Variants in STK32B observed in about 807,000 individuals in gnomAD.
The protein encoded by STK32B is serine/threonine kinase 32B.
Under a neutral mutation model 52.6 loss-of-function variants are expected in STK32B, and 43 were observed. The observed-to-expected ratio is 0.82, with a 90% CI of 0.64 to 1.05. The LOEUF is 1.05. Ranked by LOEUF, STK32B falls within the 50% of genes least tolerant of loss-of-function variation. The probability of loss-of-function intolerance (pLI) is 0.00; values close to 1 mark genes in which losing one functional copy is unlikely to be tolerated. For missense variants in STK32B, 621 were observed against 534.6 expected (o/e 1.16, Z -1.59); for synonymous variants, 238 against 204.3 (o/e 1.17, Z -1.41).
At chr4:5,210,248 TCTCCTCCTC>T (rs1347402109) in intron 3 of STK32B, among the ~76,000 whole-genome samples, 4 of 151,680 alleles carry the variant, frequency 2.6e-5, no homozygotes, top group Non-Finnish European at 4.4e-5. Context: ...TTCTTCTTCT[TCTCCTCCTC>T]CTCCTCCTCA....
At position 5,466,535 on chromosome 4, in the gene STK32B, C is replaced by T. The variant is rs912921515; in HGVS notation, c.910-168C>T. On this transcript the variant is annotated intron_variant, in intron 9 of 11. Coordinates refer to ENST00000282908, the MANE Select transcript of STK32B (RefSeq NM_018401.3). Reference sequence around the variant, plus strand: ...AAATATATGATGTGTACAGTGAGAACGTGTTGCTTTTTATCATCAGAAAAC... The same window carrying T: ...AAATATATGATGTGTACAGTGAGAATGTGTTGCTTTTTATCATCAGAAAAC... Among the ~76,000 whole-genome samples the T allele has an allele frequency of 3.3e-5, 5 of 152,230 alleles. No individual in the cohort carries two copies. The East Asian group carries it at 7.7e-4, about 24-fold the overall frequency.
At chr4:5,379,885 C>T (rs2109022453) in intron 4 of STK32B, among the ~76,000 whole-genome samples, 1 of 151,784 alleles carries the variant, frequency 6.6e-6, no homozygotes, top group African/African-American at 2.4e-5. Context: ...TGTTCTTCTC[C>T]TGCTGCACTT....
intron 6 of STK32B, among the ~76,000 whole-genome samples, chr4:5,441,548 A>C (rs1714755133): frequency 6.6e-6 from 1 of 151,528 alleles, no homozygotes; most frequent in African/African-American, 2.4e-5. Context: ...TCCTTTCAAA[A>C]AACCAGCTCC....
At chr4:5,298,484 C>T (rs1187786009) in intron 3 of STK32B, among the ~76,000 whole-genome samples, 4 of 152,090 alleles carry the variant, frequency 2.6e-5, no homozygotes, top group Admixed American at 6.5e-5. Context: ...TTGCCCTGCC[C>T]GGTGAGGAGG....
At chr4:5,425,247 T>G (rs897783230) in intron 6 of STK32B, among the ~76,000 whole-genome samples, 3 of 152,138 alleles carry the variant, frequency 2.0e-5, no homozygotes, top group Admixed American at 1.3e-4. Context: ...AAAATGCAGG[T>G]GAAGGTGCCA....
In STK32B at chr4:5,406,888, G is replaced by A. The variant is rs754016704; in HGVS notation, c.472+8644G>A. On this transcript the variant is annotated intron_variant, in intron 5 of 11. Transcript: ENST00000282908. ...CCATTGTCTTGGCTGTTAACATTCA[G>A]CTCCCTTTTACTCATACAAATTTCT... Among the ~76,000 whole-genome samples the A allele has an allele frequency of 6.6e-5, 10 of 152,238 alleles. No individual in the cohort carries two copies. In the South Asian group the frequency reaches 1.5e-3, roughly 22 times the overall value.
At chr4:5,181,976 A>G (rs956617794) in intron 3 of STK32B, among the ~76,000 whole-genome samples, 1 of 152,226 alleles carries the variant, frequency 6.6e-6, no homozygotes, top group African/African-American at 2.4e-5. Flanking sequence ...AATACAGTCA[A>G]TCCTTTAAAA....
rs1158471366 is a variant in STK32B at position 5,500,661 on chromosome 4, A to AT, written c.*1584dup. On this transcript the variant is annotated 3_prime_UTR_variant, in exon 12 of 12. Transcript: ENST00000282908. ...ATGTATGGTTAGGTTTTATATTTTT[A>AT]TTTTTTAAAAAAGAAATAGTCAGTG... 1 of 152,004 alleles carries AT rather than the reference A, an allele frequency of 6.6e-6. No individual in the cohort carries two copies. Among genetic ancestry groups the AT allele is most frequent in the Non-Finnish European group, 1.5e-5 (1 of 67,980 alleles). 9.4% of individuals were successfully genotyped at this position (152,004 alleles called of 1,614,324 possible). A position where few individuals can be genotyped will look rare whatever the true frequency, so the allele number is the denominator to read the frequency against.
intron 3 of STK32B, among the ~76,000 whole-genome samples, chr4:5,270,300 CT>C (rs1408067893): frequency 6.6e-6 from 1 of 152,170 alleles, no homozygotes; most frequent in African/African-American, 2.4e-5. Flanking sequence ...AACTTGGAGT[CT>C]GATGCTCGAA....
At chr4:5,319,201 G>A (rs568374313) in intron 3 of STK32B, among the ~76,000 whole-genome samples, 69 of 152,238 alleles carry the variant, frequency 4.5e-4, no homozygotes, top group Non-Finnish European at 5.1e-4. Context: ...ACACCAGGAC[G>A]TAAACACCAC....
At chr4:5,022,557 T>C in the STK32B span, among the ~76,000 whole-genome samples, 1 of 152,194 alleles carries the variant, frequency 6.6e-6, no homozygotes, top group Non-Finnish European at 1.5e-5. Flanking sequence ...ATATTAAAAA[T>C]CCAGGCAGGA....
At chr4:5,424,574 C>T (rs71597758) in intron 6 of STK32B, among the ~76,000 whole-genome samples, 4 of 152,210 alleles carry the variant, frequency 2.6e-5, no homozygotes, top group African/African-American at 4.8e-5. Context: ...CTCCACCCAG[C>T]TGAGAGCTGA....
At chr4:5,438,802 T>A (rs992044136) in intron 6 of STK32B, among the ~76,000 whole-genome samples, 1 of 152,208 alleles carries the variant, frequency 6.6e-6, no homozygotes, top group African/African-American at 2.4e-5. Context: ...CCTTCCTGTG[T>A]CCATGTGATC....
chr4:5,443,975 C>G (rs36160300), intron 6 of STK32B, among the ~76,000 whole-genome samples: 5 of 152,018 alleles, frequency 3.3e-5, no homozygotes, highest in Non-Finnish European at 5.9e-5. Context: ...TCTCCAGCTG[C>G]GTGCTGGGAG....
At chr4:5,173,531 A>G (rs1719568131) in intron 3 of STK32B, among the ~76,000 whole-genome samples, 1 of 152,108 alleles carries the variant, frequency 6.6e-6, no homozygotes, top group South Asian at 2.1e-4. Context: ...TTCAAAGAAC[A>G]TCTTTATTTC....
At chr4:5,277,494 G>A (rs1280520460) in intron 3 of STK32B, among the ~76,000 whole-genome samples, 2 of 152,146 alleles carry the variant, frequency 1.3e-5, no homozygotes, top group Non-Finnish European at 2.9e-5. Flanking sequence ...ACATTGAAAA[G>A]TTGAAGTGTC....
At chr4:5,282,058 T>G (rs994948454) in intron 3 of STK32B, among the ~76,000 whole-genome samples, 1 of 151,778 alleles carries the variant, frequency 6.6e-6, no homozygotes, top group Non-Finnish European at 1.5e-5. Context: ...AATAACTAAG[T>G]TAAGCTAACT....
chr4:5,175,367 A>T (rs1719772951), intron 3 of STK32B, among the ~76,000 whole-genome samples: 1 of 152,072 alleles, frequency 6.6e-6, no homozygotes, highest in South Asian at 2.1e-4. Context: ...CCTTTGGAGG[A>T]GAAGAGGCAC....
chr4:5,482,968 G>C (rs193032765), intron 11 of STK32B, among the ~76,000 whole-genome samples: 2,321 of 152,264 alleles, frequency 0.015, 69 homozygotes, highest in African/African-American at 0.053. Context: ...GCTTTTTGAT[G>C]TGCTGCTGGA....
Sources: gnomAD v4.1 joint callset for allele counts (sites outside exome capture counted in the v4.1 genomes callset) on GRCh38, gnomAD v4.1.1 for gene constraint, MANE v1.5 for transcripts, NCBI Gene and HGNC (gene_info 2026-07-23, HGNC 2026-07-21) for gene names.